CDH18: variants seen among roughly 807,000 people sequenced by gnomAD.
CDH18 encodes the protein cadherin 18.
In CDH18, 31 loss-of-function variants were observed where a neutral mutation model predicts 67.9. The ratio of observed to expected loss-of-function variants is 0.46; its 90% CI spans 0.34 to 0.62. CDH18 has a LOEUF of 0.62. Among genes scored for constraint, CDH18 ranks in the 20% least tolerant of loss-of-function variants. CDH18 has a pLI of 0.01. For missense variants in CDH18, 890 were observed against 975.5 expected (o/e 0.91, Z 1.17); for synonymous variants, 362 against 347.2 (o/e 1.04, Z -0.48).
chr5:19,541,877 T>C (rs1287255535), intron 9 of CDH18, among the ~76,000 whole-genome samples: 1 of 152,222 alleles, frequency 6.6e-6, no homozygotes. Flanking sequence ...TTTCCATTCA[T>C]CCCTTTATTT....
intron 2 of CDH18, among the ~76,000 whole-genome samples, chr5:19,999,863 TCACTTCTACCAATCCAATGAATCAAGCTC>T (rs1306338864): frequency 1.3e-5 from 2 of 152,192 alleles, no homozygotes; most frequent in African/African-American, 4.8e-5. Context: ...GCCCTACTCG[TCACTTCTACCAATCCAATGAATCAAGCTC>T]CACTTATCTT....
chr5:20,182,667 C>T (rs2126688691), intron 2 of CDH18, among the ~76,000 whole-genome samples: 1 of 150,862 alleles, frequency 6.6e-6, no homozygotes, highest in African/African-American at 2.4e-5. Context: ...GGGGTCCAAC[C>T]TCATTAATCC....
chr5:20,378,490 T>C (rs1289928701), intron 1 of CDH18, among the ~76,000 whole-genome samples: 1 of 152,186 alleles, frequency 6.6e-6, no homozygotes, highest in African/African-American at 2.4e-5. Context: ...CTGTTTAACA[T>C]ATTTTATCTT....
intron 5 of CDH18, among the ~76,000 whole-genome samples, chr5:19,622,197 G>T (rs114228248): frequency 5.9e-5 from 9 of 152,240 alleles, no homozygotes; most frequent in African/African-American, 2.2e-4. Context: ...TCAAAGGTCC[G>T]CATTGTAGGG....
intron 2 of CDH18, among the ~76,000 whole-genome samples, chr5:20,251,870 G>C (rs1384072622): frequency 6.6e-6 from 1 of 152,054 alleles, no homozygotes; most frequent in Non-Finnish European, 1.5e-5. Context: ...ACCAGCACTT[G>C]TAATTTTTTT....
At chr5:19,679,253 C>T (rs142353445) in intron 5 of CDH18, among the ~76,000 whole-genome samples, 29 of 152,004 alleles carry the variant, frequency 1.9e-4, no homozygotes, top group Middle Eastern at 3.4e-3. Context: ...CACTTCAACA[C>T]CCCTTCATGT....
At chr5:19,909,396 T>C (rs894003372) in intron 2 of CDH18, among the ~76,000 whole-genome samples, 1 of 149,880 alleles carries the variant, frequency 6.7e-6, no homozygotes, top group African/African-American at 2.5e-5. Flanking sequence ...GCCTCCCGGG[T>C]TCAAGTGATT....
chr5:19,755,763 G>C (rs185966628), intron 3 of CDH18, among the ~76,000 whole-genome samples: 2 of 151,750 alleles, frequency 1.3e-5, no homozygotes, highest in Admixed American at 1.3e-4. Flanking sequence ...CAATGTTTGA[G>C]GGCAGGAAGC....
chr5:20,498,295 T>C (rs959404591), intron 1 of CDH18, among the ~76,000 whole-genome samples: 6 of 152,084 alleles, frequency 3.9e-5, no homozygotes, highest in African/African-American at 1.4e-4. Context: ...TCAAAATGTG[T>C]TTCTGAATCT....
At chr5:20,396,239 A>C (rs998491203) in intron 1 of CDH18, among the ~76,000 whole-genome samples, 1 of 152,100 alleles carries the variant, frequency 6.6e-6, no homozygotes, top group Non-Finnish European at 1.5e-5. Flanking sequence ...GGCTGAAGGT[A>C]TCAGAATTGA....
At position 20,477,446 on chromosome 5, in the gene CDH18, T is replaced by A. The variant is rs550827438; in HGVS notation, c.-580+98016A>T. 1.5e-3 allele frequency among the ~76,000 whole-genome samples: 236 copies of A among 152,304 alleles called. 1 individual carries two copies. Among genetic ancestry groups the A allele is most frequent in the African/African-American group, 5.6e-3 (233 of 41,576 alleles). On this transcript the variant is annotated intron_variant, in intron 1 of 14. Coordinates refer to the CDH18 transcript ENST00000507958. ...TCATTCCCTGGCAGTGGCCACATAA[T>A]GTGGACAGAGAAGCTGTGTGTTTGT...
chr5:20,501,231 T>C (rs1011277096), intron 1 of CDH18, among the ~76,000 whole-genome samples: 1 of 151,730 alleles, frequency 6.6e-6, no homozygotes, highest in Non-Finnish European at 1.5e-5. Context: ...TTATTAAATG[T>C]AAATAACTGT....
chr5:20,005,043 C>T (rs1246616726), intron 2 of CDH18, among the ~76,000 whole-genome samples: 1 of 152,124 alleles, frequency 6.6e-6, no homozygotes, highest in Non-Finnish European at 1.5e-5. Flanking sequence ...AGACACAAGT[C>T]TTTCTTCATC....
In CDH18 at chr5:19,939,350, TA is replaced by T. The variant is rs950565908; in HGVS notation, c.-257+41709del. 7.6e-4 allele frequency among the ~76,000 whole-genome samples: 115 copies of T among 151,580 alleles called. 1 individual carries two copies. The highest frequency in any genetic ancestry group is 1.6e-3 in the Admixed American group (25 of 15,160). Reference sequence around the variant, plus strand: ...TGATTCTTGTCTTTGTGAAATTCAATAAAAAAAATTTCCTTTCTCAATGTTA... The same window carrying T: ...TGATTCTTGTCTTTGTGAAATTCAATAAAAAAATTTCCTTTCTCAATGTTA... On this transcript the variant is annotated intron_variant, in intron 2 of 12. Coordinates refer to ENST00000382275, the MANE Select transcript of CDH18 (RefSeq NM_004934.5).
chr5:20,042,429 A>G (rs963108545), intron 2 of CDH18, among the ~76,000 whole-genome samples: 1 of 152,230 alleles, frequency 6.6e-6, no homozygotes, highest in African/African-American at 2.4e-5. Flanking sequence ...ATTGTGCAAC[A>G]ATCCTGGAAA....
intron 7 of CDH18, among the ~76,000 whole-genome samples, chr5:19,573,557 C>T (rs769046813): frequency 6.6e-6 from 1 of 152,070 alleles, no homozygotes; most frequent in South Asian, 2.1e-4. Flanking sequence ...GGATTGCAGG[C>T]GTAAGCCACC....
intron 5 of CDH18, among the ~76,000 whole-genome samples, chr5:19,619,917 A>G (rs1750428515): frequency 6.6e-6 from 1 of 152,212 alleles, no homozygotes; most frequent in Non-Finnish European, 1.5e-5. Context: ...AGACACTGGC[A>G]TCTTAAAATT....
At chr5:20,407,475 C>T (rs1375015263) in intron 1 of CDH18, among the ~76,000 whole-genome samples, 2 of 137,238 alleles carry the variant, frequency 1.5e-5, no homozygotes, top group East Asian at 2.1e-4. Flanking sequence ...ATAGATTTTT[C>T]TAATGCATAT....
At chr5:20,289,418 A>G (rs1017202857) in intron 1 of CDH18, among the ~76,000 whole-genome samples, 2 of 152,002 alleles carry the variant, frequency 1.3e-5, no homozygotes, top group Non-Finnish European at 2.9e-5. Flanking sequence ...TATTGTCACT[A>G]AGAGTGGTAT....
Sources: gnomAD v4.1 joint callset for allele counts (sites outside exome capture counted in the v4.1 genomes callset) on GRCh38, gnomAD v4.1.1 for gene constraint, MANE v1.5 for transcripts, NCBI Gene and HGNC (gene_info 2026-07-23, HGNC 2026-07-21) for gene names.